PLK5: variants seen among roughly 807,000 people sequenced by gnomAD.
The protein encoded by PLK5 is polo like kinase 5 (inactive).
PLK5 carries 28 observed loss-of-function variants against 33.7 expected under a neutral mutation model. The ratio of observed to expected loss-of-function variants is 0.83; its 90% CI spans 0.62 to 1.14. The LOEUF is 1.14. Ranked by LOEUF, PLK5 falls within the 50% of genes most tolerant of loss-of-function variation. The pLI, the probability that PLK5 is intolerant of heterozygous loss-of-function variation, is 0.00. For synonymous variants in PLK5, 225 were observed against 202.2 expected, an observed-to-expected ratio of 1.11 and a Z score of -0.96; for missense variants, 492 against 461.5, an observed-to-expected ratio of 1.07 and a Z score of -0.61.
Position 1,527,959 on chromosome 19 carries a change from C to A in PLK5, c.26C>A (p.Pro9Gln). ...AGGTACACGGTGCTGACTGGCACCCCACCCTTCATGGCCTCACCCCTGTCG... is the reference window on the plus strand; with the variant it reads ...AGGTACACGGTGCTGACTGGCACCCAACCCTTCATGGCCTCACCCCTGTCG... The part of the protein sequence containing the change: MYTVLTGT[P>Q]PFMASPLSEM... The change falls in exon 7 of 14, where the codon CCA becomes CAA. Residue 9 changes from proline (P) to glutamine (Q), a missense_variant. Coordinates refer to ENST00000454744, the MANE Select transcript of PLK5 (RefSeq NM_001243079.2). 6.5e-7 allele frequency: 1 copy of A among 1,535,700 alleles called. No individual in the cohort carries two copies. Among genetic ancestry groups the A allele is most frequent in the Non-Finnish European group, 8.7e-7 (1 of 1,146,588 alleles).
Position 1,527,984 on chromosome 19 carries a change from G to A in PLK5, c.51G>A (p.Ser17=), listed in dbSNP as rs986453958. 2.0e-5 allele frequency: 31 copies of A among 1,535,870 alleles called. No individual in the cohort carries two copies. The African/African-American group carries it at 2.7e-4, about 14-fold the overall frequency. ...CACCCTTCATGGCCTCACCCCTGTC[G>A]GAGATGTACCAAAACATCCGTGAGG... is the stretch of plus-strand genomic sequence containing the variant. ...GTPPFMASPL[S]EMYQNIREGH... is the part of the protein sequence containing the mutation. Residue 17 remains serine, a synonymous_variant, in exon 7 of 14, where the codon TCG becomes TCA. Transcript: ENST00000454744.
At position 1,529,504 on chromosome 19, in the gene PLK5, C is replaced by T. The variant is rs766989174; in HGVS notation, c.490+14C>T. ...GTGACCTGGCCGGTGAGCAGATCCC[C>T]GTCCCAGCCCGGGGCTGCAGGTGGG... On this transcript the variant is annotated intron_variant, in intron 10 of 13. Transcript: ENST00000454744. The T allele has an allele frequency of 6.1e-5, 94 of 1,532,800 alleles. No homozygotes were observed. The highest frequency in any genetic ancestry group is 3.4e-4 in the Middle Eastern group (2 of 5,868). The allele number at this position is 1,532,800 out of a possible 1,614,324, so 94.9% of individuals were successfully genotyped here.
At chr19:1,534,334 C>T (rs1914024258) in intron 13 of PLK5, among the ~76,000 whole-genome samples, 1 of 151,228 alleles carries the variant, frequency 6.6e-6, no homozygotes, top group Admixed American at 6.6e-5. Flanking sequence ...CGGTGAAACC[C>T]CATCTCTACT....
chr19:1,527,206 A>G (rs1913768156), intron 6 of PLK5, among the ~76,000 whole-genome samples: 1 of 152,004 alleles, frequency 6.6e-6, no homozygotes, highest in African/African-American at 2.4e-5. Context: ...AGAGGTGGAC[A>G]GGTGTGGGCA....
chr19:1,526,850 A>T (rs1023835354), intron 5 of PLK5, 53 bp from the exon 6 acceptor site: 17 of 1,018,258 alleles, frequency 1.7e-5, no homozygotes, highest in Non-Finnish European at 2.4e-5. Flanking sequence ...CTGGCCCTGA[A>T]GTCTGGCACG....
rs191967632 is a variant in PLK5, at chr19:1,531,726, G to T, written c.569-12G>T. On this transcript the variant is annotated splice_polypyrimidine_tract_variant and intron_variant, in intron 11 of 13. Coordinates refer to ENST00000454744, the MANE Select transcript of PLK5 (RefSeq NM_001243079.2). ...CTGACCCCTGGCTCAGCATACCTTT[G>T]TTTGTGCCCAGCCACACAGGACCCC... is the stretch of plus-strand genomic sequence containing the variant. The T allele has an allele frequency of 4.2e-4, 646 of 1,536,694 alleles. No individual in the cohort carries two copies. The highest frequency in any genetic ancestry group is 5.4e-4 in the Non-Finnish European group (615 of 1,147,170).
chr19:1,531,706 C>A (rs771607428), intron 11 of PLK5, 32 bp from the exon 12 acceptor site: 2 of 1,535,250 alleles, frequency 1.3e-6, no homozygotes, highest in Admixed American at 2.0e-5. Context: ...GACCCCTGAC[C>A]CCTGGCTCAG....
chr19:1,534,165 A>AG (rs1914019087), intron 13 of PLK5, 124 bp downstream of exon 13: 6 of 735,670 alleles, frequency 8.2e-6, no homozygotes, highest in Non-Finnish European at 1.3e-5. Flanking sequence ...GAAAAAAAAA[A>AG]AAAAAAAAGG....
At chr19:1,527,139 G>C in intron 6 of PLK5, 141 bp downstream of exon 6, 1 of 906,374 alleles carries the variant, frequency 1.1e-6, no homozygotes, top group East Asian at 2.7e-5. Context: ...TGTGCAGTAT[G>C]AACAGGACGT....
chr19:1,524,451 G>T lies in PLK5; in HGVS notation c.-544+205G>T, dbSNP rs1331157025. Among the ~76,000 whole-genome samples, 1 of 152,084 alleles carries T rather than the reference G, an allele frequency of 6.6e-6. No homozygotes were observed. ...GTTGAGCGCGCTGTGCGTCGTGTCC[G>T]TGGGTTGCGTGTCCGGGGTGTGGGC... is the stretch of plus-strand genomic sequence containing the variant. On this transcript the variant is annotated intron_variant, in intron 1 of 13. Coordinates refer to ENST00000454744, the MANE Select transcript of PLK5 (RefSeq NM_001243079.2). This position sits in a 1 kb window ranked among gnomAD's most constrained non-coding sequence, Gnocchi z 4.5.
Position 1,531,752 on chromosome 19 carries a change from C to G in PLK5, c.583C>G (p.Leu195Val). The stretch of plus-strand genomic sequence containing the variant: ...TTTGTGCCCAGCCACACAGGACCCC[C>G]TGGGAGAGCAGCAGCCCATCCTCTG... ...DVGPPATQDPLGEQQPILWAP... is the reference protein window; with the variant it reads ...DVGPPATQDPVGEQQPILWAP... The change falls in exon 12 of 14, where the codon CTG (leucine) becomes GTG (valine). Residue 195 changes from leucine (L) to valine (V), a missense_variant. Physicochemically the swap from Leu to Val is conservative, Grantham distance 32. Coordinates refer to ENST00000454744, the MANE Select transcript of PLK5 (RefSeq NM_001243079.2). 1 of 1,536,580 alleles carries G rather than the reference C, an allele frequency of 6.5e-7. No individual in the cohort carries two copies. The highest frequency in any genetic ancestry group is 2.4e-5 in the East Asian group (1 of 40,918).
rs1283724586 is a variant in PLK5 at position 1,526,697 on chromosome 19, C to G, written c.-182-7C>G. ...ACCCCCATGCGCAATGCCCCTCCCA[C>G]TGCCAGGTAACTTCTTCCTTAACAA... On this transcript the variant is annotated splice_region_variant and splice_polypyrimidine_tract_variant and intron_variant, in intron 4 of 13. Transcript: ENST00000454744. 4.2e-6 allele frequency: 2 copies of G among 474,180 alleles called. No homozygotes were observed. The highest frequency in any genetic ancestry group is 4.1e-5 in the East Asian group (1 of 24,474). 29.4% of individuals were successfully genotyped at this position (474,180 alleles called of 1,614,324 possible).
At chr19:1,531,989 C>A in intron 12 of PLK5, 106 bp downstream of exon 12, 1 of 1,263,062 alleles carries the variant, frequency 7.9e-7, no homozygotes, top group Non-Finnish European at 1.0e-6. Flanking sequence ...CCTACAGGTG[C>A]TCCCTGCCTG....
intron 7 of PLK5, 53 bp from the exon 8 acceptor site, chr19:1,528,249 G>T (rs1036406308): frequency 3.3e-6 from 5 of 1,535,704 alleles, no homozygotes; most frequent in Non-Finnish European, 4.4e-6. Context: ...TAACCCAGGT[G>T]CTCAGGGGCT....
At chr19:1,528,277 GA>G (rs897496278) in intron 7 of PLK5, 24 bp from the exon 8 acceptor site, 1 of 1,535,860 alleles carries the variant, frequency 6.5e-7, no homozygotes, top group Non-Finnish European at 8.7e-7. Flanking sequence ...CTAAGCCGGG[GA>G]TAACCCCAAA....
intron 12 of PLK5, 90 bp from the exon 13 acceptor site, chr19:1,533,841 T>C (rs1464294291): frequency 1.1e-6 from 1 of 915,710 alleles, no homozygotes; most frequent in Non-Finnish European, 1.6e-6. Context: ...CGGCGGCGGC[T>C]GCGGGAGGTG....
intron 5 of PLK5, 39 bp from the exon 6 acceptor site, chr19:1,526,864 A>G (rs974216667): frequency 5.0e-5 from 56 of 1,126,470 alleles, no homozygotes; most frequent in African/African-American, 1.5e-4. Flanking sequence ...TGGCACGGGG[A>G]TCCCAGCCTT....
chr19:1,533,359 G>C (rs550416626), intron 12 of PLK5, among the ~76,000 whole-genome samples: 7 of 152,256 alleles, frequency 4.6e-5, no homozygotes, highest in African/African-American at 1.7e-4. Flanking sequence ...CCAAAGTGCT[G>C]GGATTATAGG....
intron 11 of PLK5, among the ~76,000 whole-genome samples, chr19:1,531,438 A>C (rs948683484): frequency 1.3e-5 from 2 of 150,650 alleles, no homozygotes; most frequent in African/African-American, 2.5e-5. Flanking sequence ...AACAAACAAA[A>C]ACACACACAC....
Sources: gnomAD v4.1 joint callset for allele counts (sites outside exome capture counted in the v4.1 genomes callset) on GRCh38, gnomAD v4.1.1 for gene constraint, Gnocchi (gnomAD v3.1) non-coding constraint, MANE v1.5 for transcripts, NCBI Gene and HGNC (gene_info 2026-07-23, HGNC 2026-07-21) for gene names.